PALM: variants seen among roughly 807,000 people sequenced by gnomAD.
The protein encoded by PALM is paralemmin-1.
Under a neutral mutation model 30.7 loss-of-function variants are expected in PALM, and 18 were observed. That is an observed-to-expected ratio of 0.59 (90% confidence interval 0.41 to 0.87). The LOEUF is 0.87. PALM is among the 40% of genes least tolerant of loss of function. The pLI, the probability that PALM is intolerant of heterozygous loss-of-function variation, is 0.00. For missense variants in PALM, 529 were observed against 555.4 expected (o/e 0.95, Z 0.48); for synonymous variants, 286 against 242.8 (o/e 1.18, Z -1.66).
chr19:714,427 C>T (rs180819651), intron 1 of PALM, among the ~76,000 whole-genome samples: 130 of 139,062 alleles, frequency 9.3e-4, no homozygotes, highest in African/African-American at 3.3e-3. Flanking sequence ...GGCGAGATCT[C>T]GGCTCACTGC....
chr19:726,236 G>T (rs191276434), intron 2 of PALM, 47 bp downstream of exon 2: 3 of 1,526,522 alleles, frequency 2.0e-6, no homozygotes, highest in South Asian at 1.1e-5. Context: ...GTGGGGAAGT[G>T]GGGGGACCTG....
intron 1 of PALM, among the ~76,000 whole-genome samples, chr19:715,429 T>C (rs1030136722): frequency 2.6e-5 from 4 of 152,172 alleles, no homozygotes; most frequent in Admixed American, 2.0e-4. Flanking sequence ...TCTGGAAAGC[T>C]ATGCAGCATC....
intron 3 of PALM, 49 bp from the exon 4 acceptor site, chr19:727,515 C>T (rs780389816): frequency 1.4e-6 from 2 of 1,472,338 alleles, no homozygotes; most frequent in Admixed American, 1.9e-5. Context: ...AAGTCTTAAC[C>T]CTGGCCCTGG....
intron 7 of PALM, among the ~76,000 whole-genome samples, chr19:739,148 G>A (rs2033113251): frequency 6.6e-6 from 1 of 152,180 alleles, no homozygotes; most frequent in Non-Finnish European, 1.5e-5. Context: ...AGAGTGGGGC[G>A]AGGTGCTGGC....
At chr19:728,224 G>C (rs2032755468) in intron 4 of PALM, among the ~76,000 whole-genome samples, 1 of 152,196 alleles carries the variant, frequency 6.6e-6, no homozygotes, top group Non-Finnish European at 1.5e-5. Context: ...CCCTGTGGGG[G>C]CTGGGACCAA....
chr19:727,243 C>CGACCCTGACCCCAACCT (rs1487841719), intron 3 of PALM, among the ~76,000 whole-genome samples, 155 bp downstream of exon 3: 8 of 93,624 alleles, frequency 8.5e-5, no homozygotes, highest in African/African-American at 3.1e-4. Flanking sequence ...ACCCCGACCC[C>CGACCCTGACCCCAACCT]GACCCCGACC....
At chr19:714,332 G>A (rs1289367751) in intron 1 of PALM, among the ~76,000 whole-genome samples, 1 of 148,286 alleles carries the variant, frequency 6.7e-6, no homozygotes, top group African/African-American at 2.5e-5. Flanking sequence ...GAGCCACCGC[G>A]CCCAGCCTAC....
At chr19:724,319 T>A (rs537914732) in intron 1 of PALM, among the ~76,000 whole-genome samples, 1 of 152,076 alleles carries the variant, frequency 6.6e-6, no homozygotes, top group South Asian at 2.1e-4. Context: ...ATTCATTCAT[T>A]TATTGTTTGT....
At chr19:725,289 T>A (rs1227575191) in intron 1 of PALM, among the ~76,000 whole-genome samples, 1 of 150,976 alleles carries the variant, frequency 6.6e-6, no homozygotes, top group Admixed American at 6.6e-5. Flanking sequence ...CCGGGCGCGG[T>A]GGCTCACGCC....
At position 709,572 on chromosome 19, in the gene PALM, C is replaced by T. The variant is rs997819950; in HGVS notation, c.5+421C>T. ...CGGCCTCGCGCTCACGCACCCTTCC[C>T]CCGCCCCAGTCTGAGCGCACGGCTC... On this transcript the variant is annotated intron_variant, in intron 1 of 8. Transcript: ENST00000338448. The surrounding 1 kb of genome is among the most constrained non-coding windows in gnomAD (Gnocchi z 4.3). 1.3e-5 allele frequency among the ~76,000 whole-genome samples: 2 copies of T among 152,118 alleles called. No homozygotes were observed. The highest frequency in any genetic ancestry group is 4.8e-5 in the African/African-American group (2 of 41,464).
rs2032865101 is a variant in PALM, at chr19:731,239, A to G, written c.414A>G (p.Ser138=). Residue 138 remains serine, a synonymous_variant, in exon 5 of 9, where the codon TCA becomes TCG. Coordinates refer to ENST00000338448, the MANE Select transcript of PALM (RefSeq NM_002579.3). ...GCAAGACAGAGGTGGTGATGAATTC[A>G]CAGCAGGTAAGGGGGTGACTGGGGG... ...EERKTEVVMN[S]QQTPVGTPKD... 2 of 1,608,302 alleles carry G rather than the reference A, an allele frequency of 1.2e-6. No individual in the cohort carries two copies. The highest frequency in any genetic ancestry group is 1.3e-5 in the African/African-American group (1 of 74,740).
At chr19:745,467 G>T (rs2033311171) in intron 8 of PALM, among the ~76,000 whole-genome samples, 1 of 152,090 alleles carries the variant, frequency 6.6e-6, no homozygotes, top group African/African-American at 2.4e-5. Context: ...GCTGAGGTGG[G>T]CAGATGACTT....
chr19:727,904 G>A, intron 4 of PALM: 5 of 564,864 alleles, frequency 8.9e-6, no homozygotes, highest in African/African-American at 1.9e-5. Flanking sequence ...CTTGCTGGGG[G>A]CAGAGGCTGG....
At chr19:736,102 G>T in intron 7 of PALM, 24 bp downstream of exon 7, 1 of 1,553,300 alleles carries the variant, frequency 6.4e-7, no homozygotes, top group Non-Finnish European at 8.8e-7. Flanking sequence ...CAGGCTCTGG[G>T]CCCCAGATCC....
intron 4 of PALM, among the ~76,000 whole-genome samples, chr19:730,070 G>A (rs2032823739): frequency 6.6e-6 from 1 of 152,236 alleles, no homozygotes; most frequent in African/African-American, 2.4e-5. Context: ...CTTCTCAGGT[G>A]CTGAAACTGA....
At chr19:736,536 C>T (rs2033029673) in intron 7 of PALM, among the ~76,000 whole-genome samples, 1 of 152,186 alleles carries the variant, frequency 6.6e-6, no homozygotes, top group African/African-American at 2.4e-5. Context: ...CACCGCTGCG[C>T]TTCCGAGAAG....
chr19:715,306 T>C (rs2032222425), intron 1 of PALM, among the ~76,000 whole-genome samples: 5 of 151,766 alleles, frequency 3.3e-5, no homozygotes, highest in African/African-American at 4.8e-5. Flanking sequence ...TTTTTCTGAG[T>C]GTGGGCCCCT....
Position 727,615 on chromosome 19 carries a change from T to A in PALM, c.190T>A (p.Ser64Thr). ...WLLEGTPSSASEGDEDLRRQM... is the reference protein window; with the variant it reads ...WLLEGTPSSATEGDEDLRRQM... ...GCTGGAGGGGACGCCGTCCTCGGCC[T>A]CAGAGGGGGATGAGGACCTGAGGAG... The change falls in exon 4 of 9, where the codon TCA becomes ACA. Residue 64 changes from serine to threonine, a missense_variant. Ser to Thr is a moderately conservative substitution (Grantham distance 58, BLOSUM62 1). Coordinates refer to ENST00000338448, the MANE Select transcript of PALM (RefSeq NM_002579.3). 1.3e-6 allele frequency: 2 copies of A among 1,579,436 alleles called. No homozygotes were observed. Among genetic ancestry groups the A allele is most frequent in the Non-Finnish European group, 1.7e-6 (2 of 1,163,260 alleles).
chr19:724,303 G>A (rs963981243), intron 1 of PALM, among the ~76,000 whole-genome samples: 1 of 152,060 alleles, frequency 6.6e-6, no homozygotes, highest in African/African-American at 2.4e-5. Flanking sequence ...GGCAACAGTG[G>A]TATTCATTCA....
Sources: allele counts gnomAD v4.1 joint callset (sites outside exome capture counted in the v4.1 genomes callset), GRCh38; gene constraint gnomAD v4.1.1; non-coding constraint Gnocchi (gnomAD v3.1); transcripts MANE v1.5; gene names NCBI Gene and HGNC (gene_info 2026-07-23, HGNC 2026-07-21).